The following DSTN variants were observed in gnomAD, a reference collection of about 807,000 sequenced individuals.
The protein encoded by DSTN is destrin, actin depolymerizing factor, also known as destrin.
A neutral mutation model predicts 16.8 loss-of-function variants in DSTN; 10 were observed. The observed-to-expected ratio is 0.60, with a 90% confidence interval of 0.37 to 1.01. The LOEUF is 1.01. Ranked by LOEUF, DSTN falls within the 50% of genes least tolerant of loss-of-function variation. DSTN has a pLI of 0.01. For missense variants in DSTN, 141 were observed against 196.7 expected (o/e 0.72, Z 1.69); for synonymous variants, 57 against 58.9 (o/e 0.97, Z 0.14).
chr20:17,580,022 C>A (rs2035325569), intron 1 of DSTN, among the ~76,000 whole-genome samples: 1 of 152,194 alleles, frequency 6.6e-6, no homozygotes, highest in Middle Eastern at 3.2e-3. Context: ...ATTCTGATGA[C>A]ACCAGTGTGT....
chr20:17,576,888 C>T (rs547954276), intron 1 of DSTN, among the ~76,000 whole-genome samples: 1 of 152,282 alleles, frequency 6.6e-6, no homozygotes, highest in South Asian at 2.1e-4. Context: ...AAAATGGTTT[C>T]ACAACTTTTC....
rs945395449 is a variant in DSTN at position 17,605,960 on chromosome 20, T to G, written c.389-1077T>G. Among the ~76,000 whole-genome samples the G allele has an allele frequency of 5.3e-5, 8 of 150,970 alleles. No homozygotes were observed. The South Asian group carries it at 6.3e-4, about 12-fold the overall frequency. On this transcript the variant is annotated intron_variant, in intron 3 of 3. Coordinates refer to ENST00000246069, the MANE Select transcript of DSTN (RefSeq NM_006870.4). Reference sequence around the variant, plus strand: ...TCTACTAAAAATACAAAAAAAAAATTAGCCGGGCGTGGTGGCACATGCCTG... The same window carrying G: ...TCTACTAAAAATACAAAAAAAAAATGAGCCGGGCGTGGTGGCACATGCCTG...
Position 17,600,905 on chromosome 20 carries a change from TG to T in DSTN, c.173del (p.Gly58GlufsTer5). Reference protein sequence around the residue: ...IVEEGKEILVGDVGVTITDPF... With the variant: ...IVEEGKEILVXDVGVTITDPF... ...TAGAAGAAGGCAAAGAGATCTTGGTTGGAGATGTTGGTGTAACCATAACTGA... is the reference window on the plus strand; with the variant it reads ...TAGAAGAAGGCAAAGAGATCTTGGTTGAGATGTTGGTGTAACCATAACTGA... On this transcript the variant is annotated frameshift_variant, in exon 2 of 4. Coordinates refer to ENST00000246069, the MANE Select transcript of DSTN (RefSeq NM_006870.4). LOFTEE classifies it high-confidence loss of function. 1 of 1,613,944 alleles carries T rather than the reference TG, an allele frequency of 6.2e-7. No homozygotes were observed. The highest frequency in any genetic ancestry group is 1.1e-5 in the South Asian group (1 of 91,070).
intron 1 of DSTN, among the ~76,000 whole-genome samples, chr20:17,598,847 C>G (rs2035555010): frequency 6.6e-6 from 1 of 152,070 alleles, no homozygotes; most frequent in African/African-American, 2.4e-5. Flanking sequence ...ATCTTCCTGC[C>G]CTCTCCCTCT....
chr20:17,586,391 A>G (rs1179787479), intron 1 of DSTN, among the ~76,000 whole-genome samples: 1 of 152,214 alleles, frequency 6.6e-6, no homozygotes, highest in African/African-American at 2.4e-5. Flanking sequence ...CATAGGACCC[A>G]GTTTCATCAT....
intron 1 of DSTN, among the ~76,000 whole-genome samples, chr20:17,591,023 G>A (rs932328586): frequency 1.3e-5 from 2 of 152,174 alleles, no homozygotes; most frequent in Admixed American, 1.3e-4. Flanking sequence ...TAAGAGGATC[G>A]CTTGAGCCCG....
chr20:17,574,055 T>A (rs79640314), intron 1 of DSTN, among the ~76,000 whole-genome samples: 2 of 151,990 alleles, frequency 1.3e-5, no homozygotes, highest in African/African-American at 2.4e-5. Context: ...TAAATAAAAA[T>A]TAACTGGGCA....
At chr20:17,597,824 C>G (rs1042901512) in intron 1 of DSTN, among the ~76,000 whole-genome samples, 3 of 152,164 alleles carry the variant, frequency 2.0e-5, no homozygotes, top group African/African-American at 7.2e-5. Flanking sequence ...AGAAAGGAAC[C>G]CATACTCATT....
intron 1 of DSTN, among the ~76,000 whole-genome samples, chr20:17,578,055 G>GACAAGACT (rs2035299684): frequency 1.3e-5 from 2 of 152,204 alleles, no homozygotes; most frequent in Non-Finnish European, 2.9e-5. Context: ...CTAAGACTTT[G>GACAAGACT]TGAGTTGGCC....
At position 17,605,890 on chromosome 20, in the gene DSTN, G is replaced by C. The variant is rs143612541; in HGVS notation, c.389-1147G>C. ...GGCTAAGACAGGTGGATCACCTGAG[G>C]TCAGGAGTTCGAGACCAGCCTGACC... is the stretch of plus-strand genomic sequence containing the variant. On this transcript the variant is annotated intron_variant, in intron 3 of 3. Coordinates refer to ENST00000246069, the MANE Select transcript of DSTN (RefSeq NM_006870.4). Among the ~76,000 whole-genome samples the C allele has an allele frequency of 4.3e-3, 645 of 151,696 alleles. 7 individuals are homozygous for C. Among genetic ancestry groups the C allele is most frequent in the African/African-American group, 0.014 (588 of 41,350 alleles).
chr20:17,600,678 ATT>A (rs1313572550), intron 1 of DSTN, 58 bp from the exon 2 acceptor site: 9 of 1,465,484 alleles, frequency 6.1e-6, no homozygotes, highest in Non-Finnish European at 8.2e-6. Flanking sequence ...AGAATTTATT[ATT>A]TTATGTTTGG....
chr20:17,604,741 G>T, intron 3 of DSTN, 110 bp downstream of exon 3: 1 of 939,022 alleles, frequency 1.1e-6, no homozygotes, highest in East Asian at 2.6e-5. Flanking sequence ...GGGCACAAGG[G>T]AGAAGTGTTA....
Position 17,607,067 on chromosome 20 carries a change from C to T in DSTN, c.419C>T (p.Pro140Leu). Residue 140 changes from proline (P) to leucine (L), a missense_variant, in exon 4 of 4, where the codon CCA (proline) becomes CTA (leucine). Pro to Leu is a moderately conservative substitution (Grantham distance 98). Coordinates refer to ENST00000246069, the MANE Select transcript of DSTN (RefSeq NM_006870.4). Reference protein sequence around the residue: ...GIKHECQANGPEDLNRACIAE... With the variant: ...GIKHECQANGLEDLNRACIAE... The stretch of plus-strand genomic sequence containing the variant: ...AAACATGAATGTCAAGCAAATGGAC[C>T]AGAAGATCTCAATCGGGCTTGTATT... The T allele has an allele frequency of 1.9e-6, 3 of 1,613,772 alleles. No individual in the cohort carries two copies. The highest frequency in any genetic ancestry group is 2.5e-6 in the Non-Finnish European group (3 of 1,179,960).
chr20:17,588,164 C>T (rs1448230103), intron 1 of DSTN, among the ~76,000 whole-genome samples: 1 of 152,170 alleles, frequency 6.6e-6, no homozygotes, highest in African/African-American at 2.4e-5. Flanking sequence ...TGTTTCCGTG[C>T]TTCTGGGTTC....
chr20:17,583,735 C>CTTTTTTTTTTTTT lies in DSTN; in HGVS notation c.3+13535_3+13547dup, dbSNP rs71192397. Reference sequence around the variant, plus strand: ...ATGACTGCTAATGGGTTTGGAGTTTCTTTTTTTTTTTTTTTTTTTTTTTGA... The same window carrying CTTTTTTTTTTTTT: ...ATGACTGCTAATGGGTTTGGAGTTTCTTTTTTTTTTTTTTTTTTTTTTTTTTTTTTTTTTTTGA... On this transcript the variant is annotated intron_variant, in intron 1 of 3. Transcript: ENST00000246069. Among the ~76,000 whole-genome samples the CTTTTTTTTTTTTT allele has an allele frequency of 1.4e-3, 100 of 72,488 alleles. 22 individuals are homozygous for CTTTTTTTTTTTTT. Among genetic ancestry groups the CTTTTTTTTTTTTT allele is most frequent in the Admixed American group, 2.9e-3 (11 of 3,808 alleles). 47.6% of individuals were successfully genotyped at this position (72,488 alleles called of 152,430 possible).
intron 1 of DSTN, among the ~76,000 whole-genome samples, chr20:17,581,157 G>T (rs566526938): frequency 6.6e-6 from 1 of 152,046 alleles, no homozygotes; most frequent in Non-Finnish European, 1.5e-5. Flanking sequence ...GATGTGTAGA[G>T]ACATACAAAT....
In DSTN at chr20:17,608,637, AC is replaced by A. The variant is rs2035667259; in HGVS notation, c.*1492del. The A allele has an allele frequency of 6.6e-6, 1 of 150,640 alleles. No individual in the cohort carries two copies. 9.3% of individuals were successfully genotyped at this position (150,640 alleles called of 1,614,324 possible). Reference sequence around the variant, plus strand: ...TGTCTCAAAAAAAAAAAAAAAAGTCACAACTCCCTCTGGTGAATAAGAAAGT... The same window carrying A: ...TGTCTCAAAAAAAAAAAAAAAAGTCAAACTCCCTCTGGTGAATAAGAAAGT... On this transcript the variant is annotated 3_prime_UTR_variant, in exon 4 of 4. Coordinates refer to ENST00000246069, the MANE Select transcript of DSTN (RefSeq NM_006870.4).
Position 17,603,635 on chromosome 20 carries a change from T to C in DSTN, c.312-920T>C, listed in dbSNP as rs151289196. Among the ~76,000 whole-genome samples, 85 of 152,342 alleles carry C rather than the reference T, an allele frequency of 5.6e-4. 1 individual carries two copies. The highest frequency in any genetic ancestry group is 2.0e-3 in the African/African-American group (82 of 41,580). On this transcript the variant is annotated intron_variant, in intron 2 of 3. Coordinates refer to ENST00000246069, the MANE Select transcript of DSTN (RefSeq NM_006870.4). ...TCTGTCCGTTACTAATCATCCTTAT[T>C]CTTCAGTGTTGCTGCTGAAGGTGCT...
At chr20:17,594,321 G>A (rs73258685) in intron 1 of DSTN, among the ~76,000 whole-genome samples, 1 of 151,810 alleles carries the variant, frequency 6.6e-6, no homozygotes, top group Non-Finnish European at 1.5e-5. Context: ...TCTCTGTCAC[G>A]CAGAGTCCAG....
Sources: gnomAD v4.1 joint callset for allele counts (sites outside exome capture counted in the v4.1 genomes callset) on GRCh38, gnomAD v4.1.1 for gene constraint, MANE v1.5 for transcripts, NCBI Gene and HGNC (gene_info 2026-07-23, HGNC 2026-07-21) for gene names.